The following PABPC4 variants were observed in gnomAD, a reference collection of about 807,000 sequenced individuals.
PABPC4 encodes poly(A) binding protein cytoplasmic 4, also known as polyadenylate-binding protein 4.
A neutral mutation model predicts 74.5 loss-of-function variants in PABPC4; 15 were observed. That is an observed-to-expected ratio of 0.20 (90% CI 0.13 to 0.31). The LOEUF is 0.31. Ranked by LOEUF, PABPC4 falls within the 10% of genes least tolerant of loss-of-function variation. PABPC4 has a pLI of 1.00. For synonymous variants in PABPC4, 345 were observed against 303.0 expected (o/e 1.14, Z -1.44); for missense variants, 610 against 853.5 (o/e 0.71, Z 3.55).
In PABPC4 at chr1:39,567,595, C is replaced by A; in HGVS notation, c.972+156G>T. ...GTGTAATGTTAACCTAATGAAATGT[C>A]ATTCTCCAGAATGCATCCAGAAATT... On this transcript the variant is annotated intron_variant, in intron 7 of 15. Transcript: ENST00000372858. 1.1e-5 allele frequency: 8 copies of A among 701,164 alleles called. No homozygotes were observed. The South Asian group carries it at 1.2e-4, about 10-fold the overall frequency. 43.4% of individuals were successfully genotyped at this position (701,164 alleles called of 1,614,324 possible).
intron 1 of PABPC4, among the ~76,000 whole-genome samples, chr1:39,575,173 G>T (rs1394104254): frequency 6.6e-6 from 1 of 152,198 alleles, no homozygotes; most frequent in Admixed American, 6.5e-5. Flanking sequence ...CAAACACACA[G>T]ACCAAGGAGG....
chr1:39,569,835 TGAAAG>T, intron 4 of PABPC4, 23 bp downstream of exon 4: 1 of 1,612,738 alleles, frequency 6.2e-7, no homozygotes. Flanking sequence ...TGGTAGACTG[TGAAAG>T]GAGACAAGGA....
chr1:39,567,766 T>C lies in PABPC4; in HGVS notation c.957A>G (p.Ser319=), dbSNP rs767064256. ...AGTATAATACCTTAGCACTGGTAAT[T>C]GATCCAAAAGGAGAAAATTCTTTCC... The part of the protein sequence containing the change: ...KLRKEFSPFG[S]ITSAKVMLED... The change falls in exon 7 of 16, where the codon TCA becomes TCG. Residue 319 remains serine, a synonymous_variant. Coordinates refer to ENST00000372858, the MANE Select transcript of PABPC4 (RefSeq NM_001135653.2). 2 of 1,558,844 alleles carry C rather than the reference T, an allele frequency of 1.3e-6. No homozygotes were observed. The highest frequency in any genetic ancestry group is 2.2e-5 in the South Asian group (2 of 89,946).
rs372879676 is a variant in PABPC4, at chr1:39,575,898, C to T, written c.54G>A (p.Leu18=). Residue 18 remains leucine, a synonymous_variant, in exon 1 of 16, where the codon CTG becomes CTA. Transcript: ENST00000372858. ...GCATGGCCTCGGTGACGTCCGAATG[C>T]AGGTCGCCCACGTACAGGGAGGCCA... ...YPMASLYVGD[L]HSDVTEAMLY... The T allele has an allele frequency of 6.2e-7, 1 of 1,611,054 alleles. No homozygotes were observed.
intron 11 of PABPC4, 44 bp downstream of exon 11, chr1:39,563,792 C>A: frequency 6.2e-7 from 1 of 1,613,754 alleles, no homozygotes; most frequent in Non-Finnish European, 8.5e-7. Flanking sequence ...GGCAAAGACC[C>A]GTCAAATCCC....
At chr1:39,572,607 T>C (rs1436072230) in intron 1 of PABPC4, 21 bp from the exon 2 acceptor site, 1 of 1,598,956 alleles carries the variant, frequency 6.3e-7, no homozygotes. Context: ...GAAACACATT[T>C]CAATAAGGAG....
chr1:39,563,376 G>GA (rs1240417740), intron 12 of PABPC4: 3 of 501,598 alleles, frequency 6.0e-6, no homozygotes, highest in Non-Finnish European at 1.1e-5. Flanking sequence ...AACAGAAGAG[G>GA]AAGCACTGGC....
At chr1:39,570,251 A>C (rs1376283885) in intron 3 of PABPC4, among the ~76,000 whole-genome samples, 1 of 152,216 alleles carries the variant, frequency 6.6e-6, no homozygotes, top group East Asian at 1.9e-4. Flanking sequence ...CACTGCCTTC[A>C]TGAAGAAACC....
In PABPC4 at chr1:39,565,254, G is replaced by A; in HGVS notation, c.1097C>T (p.Ala366Val). 6.2e-7 allele frequency: 1 copy of A among 1,614,192 alleles called. No individual in the cohort carries two copies. The change falls in exon 8 of 16, where the codon GCC (alanine) becomes GTC (valine). Residue 366 changes from alanine to valine, a missense_variant. Ala to Val is a moderately conservative substitution (Grantham distance 64). Around this residue, in one of 4 missense-constraint regions of PABPC4, gnomAD observed 304 missense variants for 478.9 expected, o/e 0.63. Coordinates refer to ENST00000372858, the MANE Select transcript of PABPC4 (RefSeq NM_001135653.2). ...TCTCTCTTCCTTCCTCTGGGCCAGG[G>A]CAACATATAGTGGCTTGGAGCCCAC... ...RIVGSKPLYV[A>V]LAQRKEERKA...
Position 39,567,772 on chromosome 1 carries a change from A to C in PABPC4, c.951T>G (p.Phe317Leu), listed in dbSNP as rs1003695779. The change falls in exon 7 of 16, where the codon TTT (phenylalanine) becomes TTG (leucine). Residue 317 changes from phenylalanine (F) to leucine (L), a missense_variant. Physicochemically the swap from Phe to Leu is conservative, Grantham distance 22. Transcript: ENST00000372858. ...ATACCTTAGCACTGGTAATTGATCC[A>C]AAAGGAGAAAATTCTTTCCTTAATT... is the stretch of plus-strand genomic sequence containing the variant. Reference protein sequence around the residue: ...DEKLRKEFSPFGSITSAKVML... With the variant: ...DEKLRKEFSPLGSITSAKVML... 1 of 1,580,720 alleles carries C rather than the reference A, an allele frequency of 6.3e-7. No individual in the cohort carries two copies. The highest frequency in any genetic ancestry group is 1.7e-5 in the Admixed American group (1 of 59,968).
intron 1 of PABPC4, among the ~76,000 whole-genome samples, chr1:39,573,774 G>C (rs868170697): frequency 1.3e-5 from 2 of 152,156 alleles, no homozygotes; most frequent in African/African-American, 4.8e-5. Flanking sequence ...AGCTGAGATC[G>C]CGCCATTGCA....
chr1:39,568,895 T>C lies in PABPC4; in HGVS notation c.783A>G (p.Ile261Met). 4 of 1,614,060 alleles carry C rather than the reference T, an allele frequency of 2.5e-6. No individual in the cohort carries two copies. The highest frequency in any genetic ancestry group is 3.3e-4 in the Middle Eastern group (2 of 6,062). Residue 261 changes from isoleucine to methionine, a missense_variant, in exon 6 of 16, where the codon ATA (isoleucine) becomes ATG (methionine). By Grantham distance (10) the Ile-to-Met change is conservative. Around this residue, in one of 4 missense-constraint regions of PABPC4, gnomAD observed 304 missense variants for 478.9 expected, o/e 0.63. Transcript: ENST00000372858. ...MNGKEISGKI[I>M]FVGRAQKKVE... The stretch of plus-strand genomic sequence containing the variant: ...CTTTCTTTTGTGCACGGCCTACAAA[T>C]ATGATTTTACCACTTATTTCTTTTC...
intron 1 of PABPC4, among the ~76,000 whole-genome samples, chr1:39,574,767 G>C (rs1209199004): frequency 1.3e-5 from 2 of 152,252 alleles, no homozygotes; most frequent in Non-Finnish European, 2.9e-5. Context: ...AGAATGGCTT[G>C]TTTCTCCCAG....
intron 8 of PABPC4, 110 bp downstream of exon 8, chr1:39,564,996 C>CTT (rs1450337551): frequency 8.3e-7 from 1 of 1,205,740 alleles, no homozygotes; most frequent in Admixed American, 2.0e-5. Flanking sequence ...TTGAAGGGTC[C>CTT]TTATTGTGAC....
intron 15 of PABPC4, chr1:39,561,379 C>T (rs572747094): frequency 6.4e-5 from 23 of 360,762 alleles, no homozygotes; most frequent in South Asian, 4.0e-4. Context: ...ACCCTCCCAA[C>T]ACACCAGCTC....
intron 5 of PABPC4, 40 bp from the exon 6 acceptor site, chr1:39,568,979 G>C: frequency 6.3e-7 from 1 of 1,588,872 alleles, no homozygotes; most frequent in African/African-American, 1.4e-5. Context: ...AAGTTGCAGC[G>C]ATGGGGTCTT....
rs1645789846 is a variant in PABPC4, at chr1:39,563,345, A to G, written c.1668+269T>C. 4.9e-6 allele frequency: 2 copies of G among 410,566 alleles called. 1 individual carries two copies. The highest frequency in any genetic ancestry group is 8.8e-6 in the Non-Finnish European group (2 of 228,168). The allele number at this position is 410,566 out of a possible 1,614,324, so 25.4% of individuals were successfully genotyped here. On this transcript the variant is annotated intron_variant, in intron 12 of 15. Coordinates refer to ENST00000372858, the MANE Select transcript of PABPC4 (RefSeq NM_001135653.2). ...GTGACCTGGAGGCTCAAACAGCTGA[A>G]TGAGCACATTATTTCGTACAAACAG...
Position 39,563,739 on chromosome 1 carries a change from C to T in PABPC4, c.1543G>A (p.Val515Ile), listed in dbSNP as rs760693189. The change falls in exon 12 of 16, where the codon GTT becomes ATT. Residue 515 changes from valine to isoleucine, a missense_variant and splice_region_variant. Coordinates refer to ENST00000372858, the MANE Select transcript of PABPC4 (RefSeq NM_001135653.2). The stretch of plus-strand genomic sequence containing the variant: ...GCTAAGTTCTGCACAGCTGTGGGAA[C>T]GCCTTAGGGAAAGAACAAATACAAT... Reference protein sequence around the residue: ...GLTDSCQSGGVPTAVQNLAPR... With the variant: ...GLTDSCQSGGIPTAVQNLAPR... 19 of 1,613,928 alleles carry T rather than the reference C, an allele frequency of 1.2e-5. No homozygotes were observed. Among genetic ancestry groups the T allele is most frequent in the East Asian group, 2.2e-5 (1 of 44,888 alleles).
chr1:39,573,990 G>A (rs147137697), intron 1 of PABPC4, among the ~76,000 whole-genome samples: 4 of 152,274 alleles, frequency 2.6e-5, no homozygotes, highest in Non-Finnish European at 4.4e-5. Flanking sequence ...CCTCCATGAG[G>A]GGATTTAGAC....
Sources: gnomAD v4.1 joint callset for allele counts (sites outside exome capture counted in the v4.1 genomes callset) on GRCh38, gnomAD v4.1.1 for gene constraint, gnomAD v4.1.1 regional missense constraint, MANE v1.5 for transcripts, NCBI Gene and HGNC (gene_info 2026-07-23, HGNC 2026-07-21) for gene names.